The following CEP112 variants were observed in gnomAD, a reference collection of about 807,000 sequenced individuals.
The protein encoded by CEP112 is centrosomal protein 112.
CEP112 carries 127 observed loss-of-function variants against 153.0 expected under a neutral mutation model. The observed-to-expected ratio is 0.83, with a 90% CI of 0.72 to 0.96. The LOEUF (loss-of-function observed/expected upper bound fraction) is 0.96, where lower values mean the gene tolerates loss of function less well. Among genes scored for constraint, CEP112 ranks in the 40% least tolerant of loss-of-function variants. The pLI is 0.00. For synonymous variants in CEP112, 358 were observed against 374.4 expected, an observed-to-expected ratio of 0.96 and a Z score of 0.51; for missense variants, 1,089 against 1,101.2, an observed-to-expected ratio of 0.99 and a Z score of 0.16.
chr17:66,042,296 G>A (rs2066018165), intron 12 of CEP112, among the ~76,000 whole-genome samples: 1 of 152,182 alleles, frequency 6.6e-6, no homozygotes, highest in African/African-American at 2.4e-5. Context: ...GTTGTAGTGA[G>A]CTGAGATTGT....
intron 20 of CEP112, among the ~76,000 whole-genome samples, chr17:65,881,401 G>GT (rs2059067950): frequency 6.6e-6 from 1 of 150,382 alleles, no homozygotes; most frequent in Non-Finnish European, 1.5e-5. Context: ...GCAGAAAACA[G>GT]GTGTGTGTGT....
intron 16 of CEP112, among the ~76,000 whole-genome samples, chr17:66,024,479 T>C (rs1261915528): frequency 6.6e-6 from 1 of 152,046 alleles, no homozygotes; most frequent in Non-Finnish European, 1.5e-5. Flanking sequence ...AATTTTAGGA[T>C]ACAAAATCAA....
chr17:66,055,257 AG>A (rs2145948561), intron 11 of CEP112, among the ~76,000 whole-genome samples: 1 of 152,322 alleles, frequency 6.6e-6, no homozygotes, highest in South Asian at 2.1e-4. Flanking sequence ...TCTAGTTTCT[AG>A]CTGAATAGGA....
At chr17:65,891,759 C>G (rs908743976) in intron 20 of CEP112, among the ~76,000 whole-genome samples, 1 of 152,186 alleles carries the variant, frequency 6.6e-6, no homozygotes, top group Non-Finnish European at 1.5e-5. Context: ...CTTTCTCATA[C>G]CTGCTATGCT....
intron 6 of CEP112, among the ~76,000 whole-genome samples, chr17:66,099,876 T>A (rs2068496615): frequency 6.6e-6 from 1 of 152,124 alleles, no homozygotes; most frequent in Non-Finnish European, 1.5e-5. Flanking sequence ...ACACCAGGGT[T>A]TTTGTGCAAC....
intron 24 of CEP112, among the ~76,000 whole-genome samples, chr17:65,652,206 T>C (rs577307756): frequency 1.3e-5 from 2 of 152,300 alleles, no homozygotes; most frequent in South Asian, 4.1e-4. Flanking sequence ...CAGACTCTTT[T>C]GTAATCTTTT....
intron 16 of CEP112, among the ~76,000 whole-genome samples, chr17:66,025,942 CACACACAT>C (rs1378688849): frequency 3.3e-5 from 4 of 122,408 alleles, no homozygotes; most frequent in African/African-American, 1.3e-4. Flanking sequence ...CACACACACA[CACACACAT>C]ATATAGATAT....
intron 5 of CEP112, among the ~76,000 whole-genome samples, chr17:66,132,198 A>AG (rs2070212561): frequency 2.8e-5 from 4 of 140,936 alleles, no homozygotes; most frequent in Non-Finnish European, 4.7e-5. Context: ...AAAAAAAAAA[A>AG]AAAAAAGCTA....
chr17:65,764,726 C>T (rs1386259699), intron 21 of CEP112, among the ~76,000 whole-genome samples: 2 of 151,710 alleles, frequency 1.3e-5, no homozygotes, highest in African/African-American at 4.9e-5. Flanking sequence ...CATTAAACTA[C>T]TCTGTGTCTT....
intron 21 of CEP112, among the ~76,000 whole-genome samples, chr17:65,817,070 T>G (rs1397830883): frequency 6.6e-6 from 1 of 151,996 alleles, no homozygotes; most frequent in Non-Finnish European, 1.5e-5. Context: ...AAATGTTACA[T>G]ACCTTTGTTT....
intron 4 of CEP112, among the ~76,000 whole-genome samples, chr17:66,155,903 C>T (rs2071418175): frequency 6.6e-6 from 1 of 152,220 alleles, no homozygotes; most frequent in Non-Finnish European, 1.5e-5. Flanking sequence ...ATAGATAAAA[C>T]TCCCATCTCC....
intron 21 of CEP112, among the ~76,000 whole-genome samples, chr17:65,841,228 G>A (rs1044610749): frequency 6.6e-6 from 1 of 152,040 alleles, no homozygotes; most frequent in Non-Finnish European, 1.5e-5. Context: ...ATTCACCATA[G>A]CAAAGATATG....
intron 8 of CEP112, among the ~76,000 whole-genome samples, chr17:66,092,534 T>C (rs1417500345): frequency 6.6e-6 from 1 of 151,928 alleles, no homozygotes; most frequent in African/African-American, 2.4e-5. Flanking sequence ...AGGCCAACTT[T>C]ACACTGACAC....
At chr17:65,987,121 CA>C (rs2063438433) in intron 17 of CEP112, among the ~76,000 whole-genome samples, 2 of 151,900 alleles carry the variant, frequency 1.3e-5, no homozygotes, top group Non-Finnish European at 2.9e-5. Flanking sequence ...ATCTAATATC[CA>C]GAAGAAAATA....
chr17:66,067,336 T>A (rs1329042512), intron 9 of CEP112, among the ~76,000 whole-genome samples: 2 of 152,222 alleles, frequency 1.3e-5, no homozygotes, highest in African/African-American at 4.8e-5. Flanking sequence ...GTCAGTGTTT[T>A]GTAAATTAGG....
chr17:66,112,445 AATAT>A (rs869147164), intron 6 of CEP112, among the ~76,000 whole-genome samples: 5 of 124,218 alleles, frequency 4.0e-5, no homozygotes, highest in Non-Finnish European at 8.7e-5. Flanking sequence ...AAATATAAAA[AATAT>A]AAAGTAATAT....
chr17:65,926,930 T>C (rs190188441), intron 19 of CEP112, among the ~76,000 whole-genome samples: 2 of 152,284 alleles, frequency 1.3e-5, no homozygotes, highest in African/African-American at 2.4e-5. Flanking sequence ...TCTGACAGGA[T>C]AGAAGAATGA....
intron 4 of CEP112, among the ~76,000 whole-genome samples, chr17:66,171,517 T>C (rs1555821175): frequency 6.6e-6 from 1 of 152,180 alleles, no homozygotes; most frequent in Non-Finnish European, 1.5e-5. Flanking sequence ...GATTAGCAGA[T>C]ACTAACTTTT....
At chr17:65,725,723 C>T (rs1199495488) in intron 23 of CEP112, among the ~76,000 whole-genome samples, 1 of 152,104 alleles carries the variant, frequency 6.6e-6, no homozygotes, top group Non-Finnish European at 1.5e-5. Flanking sequence ...ATGGTGGTGG[C>T]AAGAGAAAAT....
Sources: allele counts gnomAD v4.1 joint callset (sites outside exome capture counted in the v4.1 genomes callset), GRCh38; gene constraint gnomAD v4.1.1; transcripts MANE v1.5; gene names NCBI Gene and HGNC (gene_info 2026-07-23, HGNC 2026-07-21).